Variants in NDST4 observed in about 807,000 individuals in gnomAD.
NDST4 encodes the protein N-deacetylase and N-sulfotransferase 4.
In NDST4, 63 loss-of-function variants were observed where a neutral mutation model predicts 100.8. That is an observed-to-expected ratio of 0.62 (90% CI 0.51 to 0.77). NDST4 has a LOEUF of 0.77. Among genes scored for constraint, NDST4 ranks in the 30% least tolerant of loss-of-function variants. The pLI is 0.00. For missense variants in NDST4, 943 were observed against 1,018.4 expected, an observed-to-expected ratio of 0.93 and a Z score of 1.01; for synonymous variants, 377 against 361.8, an observed-to-expected ratio of 1.04 and a Z score of -0.48.
chr4:114,955,776 A>G (rs1374938206), intron 4 of NDST4: 1 of 152,218 alleles, frequency 6.6e-6, no homozygotes, highest in Non-Finnish European at 1.5e-5. Flanking sequence ...TACAAATGGT[A>G]AGAACAGTGA....
intron 2 of NDST4, among the ~76,000 whole-genome samples, chr4:115,022,324 ATACATATGTGTTCCACG>A (rs1560569912): frequency 5.7e-5 from 8 of 140,266 alleles, no homozygotes; most frequent in African/African-American, 1.9e-4. Flanking sequence ...TGTGTTCCAC[ATACATATGTGTTCCACG>A]TACATATGTG....
intron 4 of NDST4, among the ~76,000 whole-genome samples, chr4:114,954,259 C>A (rs574894070): frequency 5.3e-5 from 8 of 152,052 alleles, no homozygotes; most frequent in African/African-American, 1.9e-4. Context: ...ATAATAGATT[C>A]TTTTAAAAAA....
chr4:114,887,234 C>T (rs529572211), intron 6 of NDST4, among the ~76,000 whole-genome samples: 1 of 152,258 alleles, frequency 6.6e-6, no homozygotes, highest in Non-Finnish European at 1.5e-5. Flanking sequence ...TAATGTGAGA[C>T]ATTTTGGAAA....
At position 115,009,188 on chromosome 4, in the gene NDST4, A is replaced by C. The variant is rs1477636196; in HGVS notation, c.979-31914T>G. Among the ~76,000 whole-genome samples the C allele has an allele frequency of 1.6e-5, 2 of 128,240 alleles. 1 individual carries two copies. The highest frequency in any genetic ancestry group is 3.3e-5 in the Non-Finnish European group (2 of 60,090). The allele number at this position is 128,240 out of a possible 152,430, so 84.1% of individuals were successfully genotyped here. On this transcript the variant is annotated intron_variant, in intron 2 of 13. Coordinates refer to ENST00000264363, the MANE Select transcript of NDST4 (RefSeq NM_022569.3). ...TCACAGAATTGGAAAAAACTACTTT[A>C]AAGTTCATATGGAACCAAAAAAGAG...
At chr4:114,975,868 G>GC (rs149286912) in intron 3 of NDST4, among the ~76,000 whole-genome samples, 5,149 of 152,142 alleles carry the variant, frequency 0.034, 214 homozygotes, top group African/African-American at 0.092. Flanking sequence ...TCTTGAGGGA[G>GC]TTTTGAAAAG....
intron 2 of NDST4, among the ~76,000 whole-genome samples, chr4:115,016,741 C>T (rs1727686467): frequency 1.3e-5 from 2 of 151,976 alleles, no homozygotes; most frequent in South Asian, 4.1e-4. Flanking sequence ...CTGTGATTAT[C>T]AATGGAAAAG....
At chr4:115,026,760 G>A (rs1377270993) in intron 2 of NDST4, among the ~76,000 whole-genome samples, 3 of 151,994 alleles carry the variant, frequency 2.0e-5, no homozygotes, top group Admixed American at 6.6e-5. Context: ...CATTGTGAAG[G>A]TTATTGTACA....
rs529800593 is a variant in NDST4, at chr4:115,031,616, T to C, written c.978+44443A>G. Among the ~76,000 whole-genome samples, 27 of 152,232 alleles carry C rather than the reference T, an allele frequency of 1.8e-4. 2 individuals carry two copies. The South Asian group carries it at 5.0e-3, about 28-fold the overall frequency. ...CCACACTCAGGTTCCATGCTAGCTC[T>C]GGGACTCACTAAACTCCCTCATGTA... On this transcript the variant is annotated intron_variant, in intron 2 of 13. Transcript: ENST00000264363.
At chr4:114,997,345 G>A (rs1460627634) in intron 2 of NDST4, among the ~76,000 whole-genome samples, 2 of 151,886 alleles carry the variant, frequency 1.3e-5, no homozygotes, top group African/African-American at 4.8e-5. Flanking sequence ...GAGACAGAAT[G>A]AGAAAAAAAC....
At chr4:114,974,866 ACACTGGGC>A (rs1348312984) in intron 3 of NDST4, among the ~76,000 whole-genome samples, 1 of 152,134 alleles carries the variant, frequency 6.6e-6, no homozygotes, top group Non-Finnish European at 1.5e-5. Context: ...AATCATTATT[ACACTGGGC>A]CTATGTGATT....
intron 7 of NDST4, among the ~76,000 whole-genome samples, chr4:114,862,633 A>G (rs748377762): frequency 5.9e-5 from 9 of 152,106 alleles, no homozygotes; most frequent in African/African-American, 2.2e-4. Context: ...TGCAGTGCAC[A>G]TGTCTTTGGC....
intron 11 of NDST4, among the ~76,000 whole-genome samples, chr4:114,838,309 C>A (rs1723345927): frequency 6.6e-6 from 1 of 152,086 alleles, no homozygotes; most frequent in East Asian, 1.9e-4. Context: ...CCCAGCAATC[C>A]CATTACTGGG....
intron 6 of NDST4, among the ~76,000 whole-genome samples, chr4:114,910,958 A>G (rs1280897520): frequency 6.6e-6 from 1 of 152,158 alleles, no homozygotes; most frequent in Non-Finnish European, 1.5e-5. Context: ...TGAAGCATTA[A>G]TTTCTGCTTT....
chr4:114,829,104 C>T (rs1210809687), intron 13 of NDST4, among the ~76,000 whole-genome samples: 1 of 151,980 alleles, frequency 6.6e-6, no homozygotes, highest in Non-Finnish European at 1.5e-5. Flanking sequence ...TATCTATTTC[C>T]ATAGTAACCC....
At chr4:114,918,742 A>T (rs2126218148) in intron 6 of NDST4, among the ~76,000 whole-genome samples, 1 of 152,166 alleles carries the variant, frequency 6.6e-6, no homozygotes, top group East Asian at 1.9e-4. Context: ...AACTATTTTG[A>T]CCAATCAGAA....
rs898290763 is a variant in NDST4, at chr4:114,934,735, G to T, written c.1536+471C>A. 1.8e-4 allele frequency among the ~76,000 whole-genome samples: 27 copies of T among 151,894 alleles called. No individual in the cohort carries two copies. In the East Asian group the frequency reaches 5.2e-3, roughly 29 times the overall value. On this transcript the variant is annotated intron_variant, in intron 6 of 13. Transcript: ENST00000264363. Reference sequence around the variant, plus strand: ...ATTGTATACCTAAAAATTGCTAAGAGAATAAATATTTTAAATGTTCTTGTT... The same window carrying T: ...ATTGTATACCTAAAAATTGCTAAGATAATAAATATTTTAAATGTTCTTGTT...
At chr4:115,033,155 A>ATTTTTT (rs1293503455) in intron 2 of NDST4, among the ~76,000 whole-genome samples, 1 of 27,612 alleles carries the variant, frequency 3.6e-5, no homozygotes, top group East Asian at 6.8e-4. Context: ...ATATATATAT[A>ATTTTTT]TATTTTTTTT....
At chr4:115,094,786 A>G (rs778583354) in intron 1 of NDST4, among the ~76,000 whole-genome samples, 1 of 152,128 alleles carries the variant, frequency 6.6e-6, no homozygotes, top group Non-Finnish European at 1.5e-5. Context: ...GAATGCCACA[A>G]GCCAAGGAAC....
chr4:114,868,489 G>GTGT (rs1278991824), intron 7 of NDST4, among the ~76,000 whole-genome samples: 1 of 152,000 alleles, frequency 6.6e-6, no homozygotes, highest in Non-Finnish European at 1.5e-5. Flanking sequence ...TGGACATGAT[G>GTGT]TGTTTGGCAA....
Sources: allele counts gnomAD v4.1 joint callset (sites outside exome capture counted in the v4.1 genomes callset), GRCh38; gene constraint gnomAD v4.1.1; transcripts MANE v1.5; gene names NCBI Gene and HGNC (gene_info 2026-07-23, HGNC 2026-07-21).